Variants in DNAL1 observed in about 807,000 individuals in gnomAD.
DNAL1 encodes the protein dynein axonemal light chain 1.
Under a neutral mutation model 29.4 loss-of-function variants are expected in DNAL1, and 17 were observed. The observed-to-expected ratio is 0.58, with a 90% CI of 0.40 to 0.87. DNAL1 has a LOEUF of 0.87. DNAL1 is among the 40% of genes least tolerant of loss of function. The probability of loss-of-function intolerance (pLI) is 0.00; values close to 1 mark genes in which losing one functional copy is unlikely to be tolerated. For synonymous variants in DNAL1, 78 were observed against 76.3 expected, an observed-to-expected ratio of 1.02 and a Z score of -0.12; for missense variants, 188 against 214.1, an observed-to-expected ratio of 0.88 and a Z score of 0.76.
At chr14:73,647,669 C>A (rs73295378) in intron 1 of DNAL1, among the ~76,000 whole-genome samples, 4,288 of 152,250 alleles carry the variant, frequency 0.028, 167 homozygotes, top group African/African-American at 0.095. Context: ...TAGTTAAGTC[C>A]ATGAGGACCT....
rs763440765 is a variant in DNAL1, at chr14:73,645,004, C to A, written c.-36C>A. The A allele has an allele frequency of 4.4e-6, 7 of 1,607,340 alleles. No homozygotes were observed. In the East Asian group the frequency reaches 1.3e-4, roughly 31 times the overall value. On this transcript the variant is annotated 5_prime_UTR_variant, in exon 1 of 8. Transcript: ENST00000553645. ...CGCACGCGCACTGACCCCGCGGGCCCTAGCAACCAGAGCAGTGACAGTAGC... is the reference window on the plus strand; with the variant it reads ...CGCACGCGCACTGACCCCGCGGGCCATAGCAACCAGAGCAGTGACAGTAGC...
At position 73,679,250 on chromosome 14, in the gene DNAL1, T is replaced by C. The variant is rs193072309; in HGVS notation, c.264+7653T>C. Among the ~76,000 whole-genome samples the C allele has an allele frequency of 5.9e-3, 893 of 152,268 alleles. 16 individuals carry two copies. Among genetic ancestry groups the C allele is most frequent in the African/African-American group, 0.02 (845 of 41,546 alleles). On this transcript the variant is annotated intron_variant, in intron 5 of 7. Coordinates refer to ENST00000553645, the MANE Select transcript of DNAL1 (RefSeq NM_031427.4). The stretch of plus-strand genomic sequence containing the variant: ...ACCTTGTGATCCGCCTGCCTCACCC[T>C]CCCAAAGTGCTGGGATTACAGGCGT...
At chr14:73,653,252 A>C (rs986542856) in intron 1 of DNAL1, 2 of 152,352 alleles carry the variant, frequency 1.3e-5, no homozygotes, top group East Asian at 3.9e-4. Context: ...GAACTCTGGA[A>C]GTCCCAAAGT....
At chr14:73,682,228 T>C (rs1242847815) in intron 5 of DNAL1, among the ~76,000 whole-genome samples, 1 of 145,954 alleles carries the variant, frequency 6.9e-6, no homozygotes, top group Non-Finnish European at 1.5e-5. Flanking sequence ...TAGAGTGCAG[T>C]GGCTCAATCT....
At chr14:73,678,870 A>G (rs971571161) in intron 5 of DNAL1, among the ~76,000 whole-genome samples, 1 of 152,236 alleles carries the variant, frequency 6.6e-6, no homozygotes. Context: ...TGCAAGATAT[A>G]TGAAGTGTAG....
intron 4 of DNAL1, among the ~76,000 whole-genome samples, chr14:73,669,380 G>A (rs1403126801): frequency 6.6e-6 from 1 of 151,654 alleles, no homozygotes; most frequent in Non-Finnish European, 1.5e-5. Flanking sequence ...GGGTTCAAGC[G>A]ATTCTCCTGC....
chr14:73,687,383 G>T lies in DNAL1; in HGVS notation c.389G>T (p.Trp130Leu). 6.3e-7 allele frequency: 1 copy of T among 1,592,226 alleles called. No homozygotes were observed. Among genetic ancestry groups the T allele is most frequent in the Non-Finnish European group, 8.6e-7 (1 of 1,169,444 alleles). The change falls in exon 6 of 8, where the codon TGG becomes TTG. Residue 130 changes from tryptophan to leucine, a missense_variant and splice_region_variant. Coordinates refer to ENST00000553645, the MANE Select transcript of DNAL1 (RefSeq NM_031427.4). ...LYMSNNLVKD[W>L]AEFVKLAELP... ...ATGTCTAATAACCTGGTAAAAGACT[G>T]GGGTAAGCTGAGAGTGGCCCTTTGC... is the stretch of plus-strand genomic sequence containing the variant.
intron 5 of DNAL1, among the ~76,000 whole-genome samples, chr14:73,686,170 A>C (rs1011517340): frequency 6.6e-6 from 1 of 152,160 alleles, no homozygotes; most frequent in African/African-American, 2.4e-5. Flanking sequence ...TCATTGCGCC[A>C]GTCTCCTCAT....
At position 73,696,905 on chromosome 14, in the gene DNAL1, T is replaced by C. The variant is rs1892313024; in HGVS notation, c.*963T>C. The C allele has an allele frequency of 6.6e-6, 1 of 152,200 alleles. No individual in the cohort carries two copies. The highest frequency in any genetic ancestry group is 2.1e-4 in the South Asian group (1 of 4,828). The allele number at this position is 152,200 out of a possible 1,614,324, so 9.4% of individuals were successfully genotyped here. ...TGAAACTTAGTATTTCAAAATATAT[T>C]TTTTGAGAAGTTCTAAGTTAAACAG... is the stretch of plus-strand genomic sequence containing the variant. On this transcript the variant is annotated 3_prime_UTR_variant, in exon 8 of 8. Transcript: ENST00000553645.
chr14:73,675,130 A>T (rs1339870583), intron 5 of DNAL1, among the ~76,000 whole-genome samples: 1 of 151,692 alleles, frequency 6.6e-6, no homozygotes, highest in South Asian at 2.1e-4. Flanking sequence ...AACTCCTACC[A>T]GTTGTAATTT....
At chr14:73,689,818 C>T (rs906354257) in intron 7 of DNAL1, among the ~76,000 whole-genome samples, 9 of 151,644 alleles carry the variant, frequency 5.9e-5, no homozygotes, top group Non-Finnish European at 1.0e-4. Flanking sequence ...GGTGGATCAC[C>T]GAAGGTCAGG....
At chr14:73,653,213 C>T (rs986135717) in intron 1 of DNAL1, 8 of 152,196 alleles carry the variant, frequency 5.3e-5, no homozygotes, top group Non-Finnish European at 1.2e-4. Context: ...TTGGTTGATT[C>T]AGGTGAGTTC....
intron 4 of DNAL1, among the ~76,000 whole-genome samples, chr14:73,662,343 A>T (rs1437876622): frequency 6.6e-6 from 1 of 152,120 alleles, no homozygotes; most frequent in Non-Finnish European, 1.5e-5. Context: ...CTGTATTTCA[A>T]ACTTGTTATA....
chr14:73,668,928 C>T (rs1487765279), intron 4 of DNAL1, among the ~76,000 whole-genome samples: 5 of 152,050 alleles, frequency 3.3e-5, no homozygotes, highest in Non-Finnish European at 1.5e-5. Flanking sequence ...CCACCCGCCT[C>T]GGCCTCCCAA....
Position 73,645,013 on chromosome 14 carries a change from A to G in DNAL1, c.-27A>G, listed in dbSNP as rs1754500068. 2 of 1,608,876 alleles carry G rather than the reference A, an allele frequency of 1.2e-6. No homozygotes were observed. Among genetic ancestry groups the G allele is most frequent in the South Asian group, 1.1e-5 (1 of 89,706 alleles). ...ACTGACCCCGCGGGCCCTAGCAACC[A>G]GAGCAGTGACAGTAGCAACCGCCGG... On this transcript the variant is annotated 5_prime_UTR_variant, in exon 1 of 8. Coordinates refer to ENST00000553645, the MANE Select transcript of DNAL1 (RefSeq NM_031427.4).
At position 73,654,864 on chromosome 14, in the gene DNAL1, C is replaced by G; in HGVS notation, c.21C>G (p.Ile7Met). The change falls in exon 2 of 8, where the codon ATC becomes ATG. Residue 7 changes from isoleucine to methionine, a missense_variant. Ile to Met is a conservative substitution (Grantham distance 10). Coordinates refer to ENST00000553645, the MANE Select transcript of DNAL1 (RefSeq NM_031427.4). MAKATT[I>M]KEALARWEEK... ...TTTTAAAGGCGAAAGCAACAACAAT[C>G]AAAGAAGCCTTAGCGAGATGGGTGA... The G allele has an allele frequency of 6.5e-7, 1 of 1,528,464 alleles. No individual in the cohort carries two copies. Among genetic ancestry groups the G allele is most frequent in the Non-Finnish European group, 8.8e-7 (1 of 1,139,978 alleles). The allele number at this position is 1,528,464 out of a possible 1,614,324, so 94.7% of individuals were successfully genotyped here.
At chr14:73,670,454 G>C (rs887695691) in intron 4 of DNAL1, among the ~76,000 whole-genome samples, 11 of 152,286 alleles carry the variant, frequency 7.2e-5, no homozygotes, top group African/African-American at 2.6e-4. Context: ...ATAAGCAAAA[G>C]TAATCACAGT....
chr14:73,681,633 A>T (rs10152013), intron 5 of DNAL1, among the ~76,000 whole-genome samples: 5,412 of 25,082 alleles, frequency 0.22, 550 homozygotes, highest in African/African-American at 0.27. Context: ...AAAAAAAAAA[A>T]ATATATATAT....
At chr14:73,688,846 T>G (rs1233152134) in intron 6 of DNAL1, among the ~76,000 whole-genome samples, 3 of 152,122 alleles carry the variant, frequency 2.0e-5, no homozygotes, top group African/African-American at 7.2e-5. Flanking sequence ...GCATTTAAAG[T>G]AGAGAGGTAT....
Sources: gnomAD v4.1 joint callset for allele counts (sites outside exome capture counted in the v4.1 genomes callset) on GRCh38, gnomAD v4.1.1 for gene constraint, MANE v1.5 for transcripts, NCBI Gene and HGNC (gene_info 2026-07-23, HGNC 2026-07-21) for gene names.